Variants in MBD5 observed in about 807,000 individuals in gnomAD.
MBD5 encodes the protein methyl-CpG binding domain protein 5, also known as methyl-CpG-binding domain protein 5.
In MBD5, 13 loss-of-function variants were observed where a neutral mutation model predicts 117.3. That is an observed-to-expected ratio of 0.11 (90% CI 0.07 to 0.18). The LOEUF is 0.18. Among genes scored for constraint, MBD5 ranks in the 10% least tolerant of loss-of-function variants. The probability of loss-of-function intolerance (pLI) is 1.00; values close to 1 mark genes in which losing one functional copy is unlikely to be tolerated. For missense variants in MBD5, 1,879 were observed against 2,093.8 expected (o/e 0.90, Z 2.00); for synonymous variants, 727 against 766.4 (o/e 0.95, Z 0.85).
intron 2 of MBD5, among the ~76,000 whole-genome samples, chr2:148,201,563 C>T (rs1262526225): frequency 6.6e-6 from 1 of 152,200 alleles, no homozygotes; most frequent in East Asian, 1.9e-4. Flanking sequence ...GATGGCTGCC[C>T]TCTGCTGGCA....
chr2:148,211,925 T>C (rs377579448), intron 2 of MBD5, among the ~76,000 whole-genome samples: 2 of 151,992 alleles, frequency 1.3e-5, no homozygotes, highest in South Asian at 4.2e-4. Flanking sequence ...TTTTCTGTAT[T>C]TTTTGTAGAG....
chr2:148,235,313 C>T lies in MBD5; in HGVS notation c.-680+1918C>T, dbSNP rs189795340. ...TATACTATCAAATTTCTTTTTCTTA[C>T]ATTTCCTTTCCTAACTCATCCACAC... On this transcript the variant is annotated intron_variant, in intron 3 of 13. Transcript: ENST00000642680. 1.1e-3 allele frequency among the ~76,000 whole-genome samples: 175 copies of T among 152,246 alleles called. 1 individual carries two copies. The highest frequency in any genetic ancestry group is 1.7e-3 in the Non-Finnish European group (115 of 68,002).
chr2:148,074,495 G>GTTTTTTTTTTTTTTTTTTTTTTTTT (rs1034437368), intron 1 of MBD5, among the ~76,000 whole-genome samples: 2 of 109,842 alleles, frequency 1.8e-5, no homozygotes, highest in African/African-American at 7.2e-5. Flanking sequence ...TTTTTTTTTT[G>GTTTTTTTTTTTTTTTTTTTTTTTTT]TTTTTTTTTT....
intron 2 of MBD5, among the ~76,000 whole-genome samples, chr2:148,207,470 T>TA (rs2105989516): frequency 6.8e-6 from 1 of 147,022 alleles, no homozygotes; most frequent in East Asian, 2.0e-4. Flanking sequence ...AAAAAACCCT[T>TA]AAAAATAGGT....
At chr2:148,063,009 A>G in intron 1 of MBD5, among the ~76,000 whole-genome samples, 1 of 152,166 alleles carries the variant, frequency 6.6e-6, no homozygotes, top group East Asian at 1.9e-4. Context: ...ATTCCTTGAG[A>G]TCTATGACCC....
At chr2:148,380,672 C>G (rs1431515807) in intron 4 of MBD5, among the ~76,000 whole-genome samples, 2 of 152,148 alleles carry the variant, frequency 1.3e-5, no homozygotes, top group Non-Finnish European at 1.5e-5. Context: ...CAGACTGCCT[C>G]CTCAAGTGGG....
At chr2:148,329,728 A>G (rs1702581215) in intron 3 of MBD5, among the ~76,000 whole-genome samples, 2 of 152,178 alleles carry the variant, frequency 1.3e-5, no homozygotes, top group African/African-American at 2.4e-5. Context: ...TTGAGCAACA[A>G]TTGCACATTC....
At chr2:148,144,150 G>A (rs565418842) in intron 1 of MBD5, among the ~76,000 whole-genome samples, 1 of 152,038 alleles carries the variant, frequency 6.6e-6, no homozygotes, top group Non-Finnish European at 1.5e-5. Context: ...TAACTGGTGT[G>A]AGATGGTATC....
intron 9 of MBD5, 43 bp downstream of exon 9, chr2:148,484,178 TTTCTAA>T (rs1214867205): frequency 7.2e-7 from 1 of 1,386,982 alleles, no homozygotes; most frequent in East Asian, 2.6e-5. Flanking sequence ...AAGAAACGTT[TTTCTAA>T]TTCTATTTTC....
At chr2:148,117,557 T>A (rs978573976) in intron 1 of MBD5, among the ~76,000 whole-genome samples, 3 of 152,148 alleles carry the variant, frequency 2.0e-5, no homozygotes, top group Admixed American at 6.5e-5. Flanking sequence ...ACCTATATAT[T>A]TTTTTAAGCC....
intron 3 of MBD5, among the ~76,000 whole-genome samples, chr2:148,304,697 G>A (rs1383937613): frequency 6.6e-6 from 1 of 152,216 alleles, no homozygotes; most frequent in Non-Finnish European, 1.5e-5. Flanking sequence ...GTGGGTGTCA[G>A]TGGATGGAAA....
At chr2:148,365,012 C>T (rs562514865) in intron 4 of MBD5, among the ~76,000 whole-genome samples, 6 of 152,278 alleles carry the variant, frequency 3.9e-5, no homozygotes, top group East Asian at 1.9e-4. Flanking sequence ...CAGAACTCTC[C>T]ACCCCAAATC....
rs1303635886 is a variant in MBD5, at chr2:148,458,239, A to C, written c.-520A>C. 2.5e-6 allele frequency: 1 copy of C among 403,550 alleles called. No homozygotes were observed. The highest frequency in any genetic ancestry group is 3.5e-5 in the East Asian group (1 of 28,382). 25.0% of individuals were successfully genotyped at this position (403,550 alleles called of 1,614,324 possible). ...GGAATTTTGAAGTCATGAAAACATC[A>C]GATGAACCAACCTGCAACACCTTGG... On this transcript the variant is annotated 5_prime_UTR_variant, in exon 5 of 14. Transcript: ENST00000642680.
rs762922278 is a variant in MBD5 at position 148,490,107 on chromosome 2, T to C, written c.4475T>C (p.Ile1492Thr). The C allele has an allele frequency of 6.2e-7, 1 of 1,613,534 alleles. No homozygotes were observed. The highest frequency in any genetic ancestry group is 1.3e-5 in the African/African-American group (1 of 74,730). Reference protein sequence around the residue: ...LPPRNCPGDKILEENFRYNNY... With the variant: ...LPPRNCPGDKTLEENFRYNNY... Reference sequence around the variant, plus strand: ...CCAAGAAACTGTCCAGGGGATAAAATTCTAGAGGAAAATTTCAGGTATAAT... The same window carrying C: ...CCAAGAAACTGTCCAGGGGATAAAACTCTAGAGGAAAATTTCAGGTATAAT... The change falls in exon 11 of 14, where the codon ATT (isoleucine) becomes ACT (threonine). Residue 1492 changes from isoleucine (I) to threonine (T), a missense_variant. Transcript: ENST00000642680.
At chr2:148,103,710 CA>C (rs1194703948) in intron 1 of MBD5, among the ~76,000 whole-genome samples, 3 of 152,032 alleles carry the variant, frequency 2.0e-5, no homozygotes, top group Admixed American at 6.6e-5. Flanking sequence ...ATAGAAAACT[CA>C]AATAAGATGG....
chr2:148,334,159 A>G (rs1352087011), intron 3 of MBD5, among the ~76,000 whole-genome samples: 1 of 152,050 alleles, frequency 6.6e-6, no homozygotes, highest in African/African-American at 2.4e-5. Context: ...GCTGTCACCA[A>G]TTCCTAAGTC....
chr2:148,436,019 T>C (rs957289087), intron 4 of MBD5, among the ~76,000 whole-genome samples: 2 of 152,236 alleles, frequency 1.3e-5, no homozygotes, highest in Non-Finnish European at 2.9e-5. Context: ...TTATTCTACA[T>C]CTGACAGATG....
intron 4 of MBD5, among the ~76,000 whole-genome samples, chr2:148,435,844 T>C (rs1706140329): frequency 6.6e-6 from 1 of 152,214 alleles, no homozygotes. Flanking sequence ...TTTTCAAGGT[T>C]GCTTGCTTTC....
chr2:148,392,656 G>A (rs973898698), intron 4 of MBD5, among the ~76,000 whole-genome samples: 14 of 152,104 alleles, frequency 9.2e-5, no homozygotes, highest in Non-Finnish European at 2.1e-4. Flanking sequence ...AAATCAAACA[G>A]CAACTTAAAC....
Sources: gnomAD v4.1 joint callset for allele counts (sites outside exome capture counted in the v4.1 genomes callset) on GRCh38, gnomAD v4.1.1 for gene constraint, MANE v1.5 for transcripts, NCBI Gene and HGNC (gene_info 2026-07-23, HGNC 2026-07-21) for gene names.